The following RTN4RL1 variants were observed in gnomAD, a reference collection of about 807,000 sequenced individuals.
RTN4RL1 encodes reticulon-4 receptor-like 1.
RTN4RL1 carries 7 observed loss-of-function variants against 25.6 expected under a neutral mutation model. The ratio of observed to expected loss-of-function variants is 0.27; its 90% CI spans 0.16 to 0.51. The LOEUF (loss-of-function observed/expected upper bound fraction) is 0.51, where lower values mean the gene tolerates loss of function less well. Ranked by LOEUF, RTN4RL1 falls within the 20% of genes least tolerant of loss-of-function variation. The pLI, the probability that RTN4RL1 is intolerant of heterozygous loss-of-function variation, is 0.97. For missense variants in RTN4RL1, 500 were observed against 615.6 expected, an observed-to-expected ratio of 0.81 and a Z score of 1.99; for synonymous variants, 297 against 288.2, an observed-to-expected ratio of 1.03 and a Z score of -0.31.
intron 1 of RTN4RL1, among the ~76,000 whole-genome samples, chr17:1,978,423 A>AGG (rs1473983040): frequency 5.3e-4 from 81 of 152,340 alleles, no homozygotes; most frequent in Non-Finnish European, 1.1e-3. Flanking sequence ...CGTGGAGCAG[A>AGG]AGCCTTTAGA....
chr17:2,010,670 A>G (rs539837776), intron 1 of RTN4RL1, among the ~76,000 whole-genome samples: 9 of 152,008 alleles, frequency 5.9e-5, no homozygotes, highest in Admixed American at 2.0e-4. Context: ...CAATCCTCCC[A>G]CCTCAGCCTC....
intron 1 of RTN4RL1, chr17:2,002,976 C>T (rs1377992353): frequency 1.3e-5 from 2 of 152,308 alleles, no homozygotes; most frequent in African/African-American, 4.8e-5. Flanking sequence ...TCTCTCAGGA[C>T]AAACCCTCCA....
At chr17:1,962,681 A>G (rs1010455730) in intron 1 of RTN4RL1, among the ~76,000 whole-genome samples, 2 of 151,902 alleles carry the variant, frequency 1.3e-5, no homozygotes, top group African/African-American at 4.8e-5. Context: ...CCCGGCCAAC[A>G]TGGTGAAACC....
chr17:1,958,621 T>G (rs970992629), intron 1 of RTN4RL1, among the ~76,000 whole-genome samples: 5 of 152,196 alleles, frequency 3.3e-5, no homozygotes, highest in African/African-American at 1.2e-4. Flanking sequence ...TCAGATTAAA[T>G]TGGACTAGTA....
intron 1 of RTN4RL1, among the ~76,000 whole-genome samples, chr17:1,972,167 C>T (rs1322971488): frequency 3.1e-5 from 4 of 130,874 alleles, no homozygotes; most frequent in East Asian, 2.4e-4. Flanking sequence ...ATTAGCTGGG[C>T]GTGGTGGCAG....
At chr17:1,978,638 G>T (rs1380427964) in intron 1 of RTN4RL1, among the ~76,000 whole-genome samples, 9 of 152,254 alleles carry the variant, frequency 5.9e-5, no homozygotes, top group Admixed American at 2.0e-4. Flanking sequence ...GAAAATGGGG[G>T]GGGTGGAGGG....
intron 1 of RTN4RL1, among the ~76,000 whole-genome samples, chr17:2,016,761 C>T (rs1421464417): frequency 4.6e-5 from 7 of 152,220 alleles, no homozygotes; most frequent in Non-Finnish European, 8.8e-5. Flanking sequence ...TTGTCCCCAG[C>T]GTCCGGCCTG....
intron 1 of RTN4RL1, among the ~76,000 whole-genome samples, chr17:1,954,912 T>G (rs985264974): frequency 1.3e-5 from 2 of 152,150 alleles, no homozygotes; most frequent in African/African-American, 4.8e-5. Context: ...GTAGGTAACT[T>G]ATGCTTACAG....
chr17:1,936,913 G>A lies in RTN4RL1; in HGVS notation c.909C>T (p.Asn303=). 6.2e-7 allele frequency: 1 copy of A among 1,610,658 alleles called. No individual in the cohort carries two copies. The highest frequency in any genetic ancestry group is 8.5e-7 in the Non-Finnish European group (1 of 1,179,048). Residue 303 remains asparagine (N), a synonymous_variant, in exon 2 of 2, where the codon AAC becomes AAT. Transcript: ENST00000331238. The part of the protein sequence containing the change: ...LKLLRAEDFR[N]CTGPASPHQI... ...GGTGCGGGGACGCTGGTCCCGTGCA[G>A]TTCCGGAAGTCCTCGGCCCTCAGCA... is the stretch of plus-strand genomic sequence containing the variant.
chr17:2,003,139 C>T (rs989453103), intron 1 of RTN4RL1: 1 of 152,256 alleles, frequency 6.6e-6, no homozygotes, highest in Non-Finnish European at 1.5e-5. Context: ...AGAACACACC[C>T]TTATCCTCCC....
At position 1,937,471 on chromosome 17, in the gene RTN4RL1, T is replaced by C. The variant is rs1167166321; in HGVS notation, c.351A>G (p.Ala117=). The C allele has an allele frequency of 6.2e-7, 1 of 1,613,864 alleles. No homozygotes were observed. Among genetic ancestry groups the C allele is most frequent in the South Asian group, 1.1e-5 (1 of 91,064 alleles). The change falls in exon 2 of 2, where the codon GCA becomes GCG. Residue 117 remains alanine, a synonymous_variant. Coordinates refer to ENST00000331238, the MANE Select transcript of RTN4RL1 (RefSeq NM_178568.4). ...LGDNRQLRTL[A]PETFQGLVKL... Reference sequence around the variant, plus strand: ...TCACCAGGCCCTGGAAGGTCTCGGGTGCCAGCGTCCGCAGCTGCCGGTTGT... The same window carrying C: ...TCACCAGGCCCTGGAAGGTCTCGGGCGCCAGCGTCCGCAGCTGCCGGTTGT...
intron 1 of RTN4RL1, among the ~76,000 whole-genome samples, chr17:1,938,026 G>A (rs1296950177): frequency 1.3e-5 from 2 of 152,180 alleles, no homozygotes; most frequent in African/African-American, 4.8e-5. Context: ...TGGGCTGGGA[G>A]GTGAGTCTGG....
chr17:1,950,910 CTCTG>C (rs960293031), intron 1 of RTN4RL1, among the ~76,000 whole-genome samples: 3 of 145,380 alleles, frequency 2.1e-5, no homozygotes, highest in African/African-American at 7.6e-5. Context: ...CTCTCTCTCT[CTCTG>C]TCTCTCTTTC....
chr17:1,963,292 A>T (rs369840364), intron 1 of RTN4RL1, among the ~76,000 whole-genome samples: 6 of 152,324 alleles, frequency 3.9e-5, no homozygotes, highest in African/African-American at 1.4e-4. Context: ...CTCTTGATTG[A>T]ATCAGGCCTG....
chr17:1,989,784 G>A (rs1222568667), intron 1 of RTN4RL1, among the ~76,000 whole-genome samples: 1 of 151,958 alleles, frequency 6.6e-6, no homozygotes, highest in Non-Finnish European at 1.5e-5. Flanking sequence ...ATTTTGGACA[G>A]GCTGGTCTCG....
rs2151302692 is a variant in RTN4RL1 at position 1,934,911 on chromosome 17, T to G, written c.*1585A>C. 6.6e-6 allele frequency: 1 copy of G among 152,480 alleles called. No homozygotes were observed. 9.4% of individuals were successfully genotyped at this position (152,480 alleles called of 1,614,324 possible). A position where few individuals can be genotyped will look rare whatever the true frequency, so the allele number is the denominator to read the frequency against. On this transcript the variant is annotated 3_prime_UTR_variant, in exon 2 of 2. Transcript: ENST00000331238. This position sits in a 1 kb window ranked among gnomAD's most constrained non-coding sequence, Gnocchi z 4.0. The stretch of plus-strand genomic sequence containing the variant: ...CTGCTTCTGACCCCTGAGTCCGGCC[T>G]CCCGAGCCTCTGCCTGCACCCTGAG...
At chr17:2,015,398 T>G (rs2151328293) in intron 1 of RTN4RL1, among the ~76,000 whole-genome samples, 3 of 152,212 alleles carry the variant, frequency 2.0e-5, no homozygotes, top group Admixed American at 2.0e-4. Flanking sequence ...AGACGGGATA[T>G]CTGGGGAGTC....
intron 1 of RTN4RL1, among the ~76,000 whole-genome samples, chr17:2,011,112 G>T (rs1355821849): frequency 6.6e-6 from 1 of 152,026 alleles, no homozygotes; most frequent in Non-Finnish European, 1.5e-5. Context: ...TTGGCCGGGC[G>T]TGATGGCGCA....
At position 1,998,562 on chromosome 17, in the gene RTN4RL1, T is replaced by C. The variant is rs569278460; in HGVS notation, c.13+26291A>G. ...GTCCCTGCCGGATCCCCGGCGGCTTTCCTGCCCCCACTTTACAGACGTGAA... is the reference window on the plus strand; with the variant it reads ...GTCCCTGCCGGATCCCCGGCGGCTTCCCTGCCCCCACTTTACAGACGTGAA... On this transcript the variant is annotated intron_variant, in intron 1 of 1. Coordinates refer to ENST00000331238, the MANE Select transcript of RTN4RL1 (RefSeq NM_178568.4). This position sits in a 1 kb window ranked among gnomAD's most constrained non-coding sequence, Gnocchi z 4.9. Among the ~76,000 whole-genome samples the C allele has an allele frequency of 5.3e-5, 8 of 152,178 alleles. No homozygotes were observed. In the East Asian group the frequency reaches 1.4e-3, roughly 26 times the overall value.
Sources: allele counts gnomAD v4.1 joint callset (sites outside exome capture counted in the v4.1 genomes callset), GRCh38; gene constraint gnomAD v4.1.1; non-coding constraint Gnocchi (gnomAD v3.1); transcripts MANE v1.5; gene names NCBI Gene and HGNC (gene_info 2026-07-23, HGNC 2026-07-21).